UBP1: variants seen among roughly 807,000 people sequenced by gnomAD.
The protein encoded by UBP1 is upstream-binding protein 1.
In UBP1, 22 loss-of-function variants were observed where a neutral mutation model predicts 76.1. The observed-to-expected ratio is 0.29, with a 90% confidence interval of 0.21 to 0.41. The LOEUF is 0.41. UBP1 is among the 10% of genes least tolerant of loss of function. UBP1 has a pLI of 1.00. For missense variants in UBP1, 436 were observed against 668.1 expected (o/e 0.65, Z 3.83); for synonymous variants, 224 against 237.1 (o/e 0.94, Z 0.51).
At chr3:33,427,682 C>T (rs1054724013) in intron 1 of UBP1, among the ~76,000 whole-genome samples, 3 of 152,184 alleles carry the variant, frequency 2.0e-5, no homozygotes, top group Non-Finnish European at 4.4e-5. Context: ...TCTATTAAAG[C>T]ACTGTGCTGA....
intron 1 of UBP1, among the ~76,000 whole-genome samples, chr3:33,431,734 C>T (rs1040685823): frequency 1.3e-4 from 18 of 142,380 alleles, no homozygotes; most frequent in African/African-American, 2.7e-4. Flanking sequence ...AGTGAGACTC[C>T]GTCTCAAAGA....
intron 3 of UBP1, among the ~76,000 whole-genome samples, chr3:33,413,087 T>C (rs1015604620): frequency 6.6e-6 from 1 of 152,218 alleles, no homozygotes; most frequent in African/African-American, 2.4e-5. Flanking sequence ...TGATTTGTTA[T>C]TGCAATTCAA....
chr3:33,425,489 C>G (rs910721560), intron 2 of UBP1, 101 bp downstream of exon 2: 3 of 1,218,974 alleles, frequency 2.5e-6, no homozygotes, highest in Non-Finnish European at 3.2e-6. Flanking sequence ...GAAAAAGAAC[C>G]TAATTTTTAA....
intron 2 of UBP1, among the ~76,000 whole-genome samples, chr3:33,419,886 C>A (rs897095252): frequency 6.6e-6 from 1 of 152,164 alleles, no homozygotes; most frequent in Non-Finnish European, 1.5e-5. Context: ...TATAGTCCAA[C>A]AGTAATATTC....
At chr3:33,424,450 A>G (rs575375386) in intron 2 of UBP1, among the ~76,000 whole-genome samples, 17 of 152,368 alleles carry the variant, frequency 1.1e-4, no homozygotes, top group Non-Finnish European at 2.4e-4. Context: ...AAAAATAAAC[A>G]CTATATACTC....
At chr3:33,409,153 CT>C in intron 7 of UBP1, 82 bp downstream of exon 7, 1 of 1,348,116 alleles carries the variant, frequency 7.4e-7, no homozygotes. Context: ...TTCCCCAACC[CT>C]TTTGTAGCAG....
chr3:33,439,952 C>G lies in UBP1; in HGVS notation c.-104G>C. 2 of 1,282,774 alleles carry G rather than the reference C, an allele frequency of 1.6e-6. No individual in the cohort carries two copies. The highest frequency in any genetic ancestry group is 2.1e-6 in the Non-Finnish European group (2 of 932,330). 79.5% of individuals were successfully genotyped at this position (1,282,774 alleles called of 1,614,324 possible). A position where few individuals can be genotyped will look rare whatever the true frequency, so the allele number is the denominator to read the frequency against. On this transcript the variant is annotated 5_prime_UTR_variant, in exon 1 of 16. Coordinates refer to ENST00000283629, the MANE Select transcript of UBP1 (RefSeq NM_014517.5). ...TGGGGGAGGGCGCGGGTGAAGCCTC[C>G]GGAGGGGCGGCGAGTGGTCACCAGC...
At chr3:33,391,462 A>G (rs924508406) in intron 15 of UBP1, 2 of 152,106 alleles carry the variant, frequency 1.3e-5, no homozygotes, top group Non-Finnish European at 2.9e-5. Context: ...GTCACTGCTG[A>G]TATGCTGAAG....
At chr3:33,427,969 T>C (rs1009454643) in intron 1 of UBP1, among the ~76,000 whole-genome samples, 3 of 152,082 alleles carry the variant, frequency 2.0e-5, no homozygotes, top group Non-Finnish European at 2.9e-5. Flanking sequence ...AGGTGGGTGA[T>C]CACCTGAGGT....
chr3:33,397,685 C>T (rs960492684), intron 11 of UBP1: 10 of 152,062 alleles, frequency 6.6e-5, no homozygotes, highest in Admixed American at 4.6e-4. Context: ...TCTGTCACAG[C>T]AGCTAATTTT....
At chr3:33,439,196 T>C (rs765190446) in intron 1 of UBP1, among the ~76,000 whole-genome samples, 39 of 152,308 alleles carry the variant, frequency 2.6e-4, no homozygotes, top group Non-Finnish European at 4.7e-4. Context: ...AACTTCACTT[T>C]GAGACAATCA....
intron 1 of UBP1, among the ~76,000 whole-genome samples, chr3:33,436,265 T>C (rs891213363): frequency 2.6e-5 from 4 of 152,250 alleles, no homozygotes; most frequent in Non-Finnish European, 4.4e-5. Flanking sequence ...GGTGAGAACA[T>C]TAACATCCAC....
rs1394842876 is a variant in UBP1, at chr3:33,439,687, G to A, written c.113+49C>T. The A allele has an allele frequency of 5.0e-6, 8 of 1,590,216 alleles. No homozygotes were observed. In the African/African-American group the frequency reaches 6.8e-5, roughly 13 times the overall value. On this transcript the variant is annotated intron_variant, in intron 1 of 15. Coordinates refer to ENST00000283629, the MANE Select transcript of UBP1 (RefSeq NM_014517.5). ...CTGGCAGAGACTCAGGGCTGCGCAG[G>A]CCTTCCCCAAGGAGACAGAGGCTTC...
chr3:33,402,686 T>C (rs2044274096), intron 9 of UBP1, 115 bp downstream of exon 9: 1 of 684,892 alleles, frequency 1.5e-6, no homozygotes, highest in African/African-American at 1.9e-5. Context: ...TACTTCCCCT[T>C]ACTGTTTCCT....
chr3:33,409,405 A>G, intron 6 of UBP1, 44 bp downstream of exon 6: 1 of 1,613,946 alleles, frequency 6.2e-7, no homozygotes, highest in Non-Finnish European at 8.5e-7. Context: ...CTTTACAGGC[A>G]AAACTGAGCC....
intron 2 of UBP1, 93 bp from the exon 3 acceptor site, chr3:33,416,927 T>G (rs1462849262): frequency 9.4e-7 from 1 of 1,068,586 alleles, no homozygotes; most frequent in African/African-American, 1.6e-5. Context: ...AGAACATACA[T>G]TACACAATGA....
At chr3:33,416,997 A>C (rs901229596) in intron 2 of UBP1, among the ~76,000 whole-genome samples, 163 bp from the exon 3 acceptor site, 4 of 152,224 alleles carry the variant, frequency 2.6e-5, no homozygotes, top group African/African-American at 9.6e-5. Context: ...CCTGAAAATC[A>C]CACCAACCTT....
chr3:33,440,179 T>G lies in UBP1; in HGVS notation c.-331A>C, dbSNP rs1296288805. On this transcript the variant is annotated 5_prime_UTR_variant, in exon 1 of 16. Transcript: ENST00000283629. Reference sequence around the variant, plus strand: ...GACCGCCCCGCCCGGGGCCCCCCGGTCGCATCCTCCTCCGGGACCGCTGGG... The same window carrying G: ...GACCGCCCCGCCCGGGGCCCCCCGGGCGCATCCTCCTCCGGGACCGCTGGG... 6.4e-6 allele frequency: 1 copy of G among 156,708 alleles called. No individual in the cohort carries two copies. The highest frequency in any genetic ancestry group is 6.5e-5 in the Admixed American group (1 of 15,368). 9.7% of individuals were successfully genotyped at this position (156,708 alleles called of 1,614,324 possible).
intron 1 of UBP1, among the ~76,000 whole-genome samples, chr3:33,429,825 T>C (rs1459089419): frequency 2.6e-5 from 4 of 152,228 alleles, no homozygotes; most frequent in African/African-American, 7.2e-5. Flanking sequence ...AATGAATGAC[T>C]GCAAGACCCT....
Sources: gnomAD v4.1 joint callset for allele counts (sites outside exome capture counted in the v4.1 genomes callset) on GRCh38, gnomAD v4.1.1 for gene constraint, MANE v1.5 for transcripts, NCBI Gene and HGNC (gene_info 2026-07-23, HGNC 2026-07-21) for gene names.